The following RABGEF1 variants were observed in gnomAD, a reference collection of about 807,000 sequenced individuals.
RABGEF1 encodes RAB guanine nucleotide exchange factor 1.
In RABGEF1, 26 loss-of-function variants were observed where a neutral mutation model predicts 57.3. That is an observed-to-expected ratio of 0.45 (90% CI 0.33 to 0.63). RABGEF1 has a LOEUF of 0.63. Ranked by LOEUF, RABGEF1 falls within the 20% of genes least tolerant of loss-of-function variation. The probability of loss-of-function intolerance (pLI) is 0.02; values close to 1 mark genes in which losing one functional copy is unlikely to be tolerated. For synonymous variants in RABGEF1, 185 were observed against 210.7 expected (o/e 0.88, Z 1.06); for missense variants, 464 against 607.6 (o/e 0.76, Z 2.48).
At chr7:66,675,727 A>G in the RABGEF1 span, among the ~76,000 whole-genome samples, 3 of 152,212 alleles carry the variant, frequency 2.0e-5, no homozygotes, top group Admixed American at 1.3e-4. Context: ...AAATTCAGCA[A>G]TGTAATAGGA....
At chr7:66,751,329 C>A (rs962210268) in intron 1 of RABGEF1, among the ~76,000 whole-genome samples, 1 of 152,188 alleles carries the variant, frequency 6.6e-6, no homozygotes, top group Non-Finnish European at 1.5e-5. Context: ...CCGTACCTGG[C>A]CTTCCCTCTT....
rs1200470820 is a variant in RABGEF1, at chr7:66,811,181, A to G, written c.*1897A>G. ...TGTTTGTTCAATAAACTGCATATCA[A>G]CTTCCCACAAAAGCTGACTTTTTTG... On this transcript the variant is annotated 3_prime_UTR_variant, in exon 9 of 9. Coordinates refer to ENST00000284957, the MANE Select transcript of RABGEF1 (RefSeq NM_014504.3). The G allele has an allele frequency of 1.3e-5, 2 of 152,222 alleles. No individual in the cohort carries two copies. Among genetic ancestry groups the G allele is most frequent in the Admixed American group, 6.5e-5 (1 of 15,270 alleles). The allele number at this position is 152,222 out of a possible 1,614,324, so 9.4% of individuals were successfully genotyped here. A position where few individuals can be genotyped will look rare whatever the true frequency, so the allele number is the denominator to read the frequency against.
chr7:66,756,487 G>A (rs1392352036), intron 1 of RABGEF1, among the ~76,000 whole-genome samples: 1 of 152,074 alleles, frequency 6.6e-6, no homozygotes, highest in African/African-American at 2.4e-5. Flanking sequence ...ACCTTGTCCT[G>A]CTTGGCTATC....
chr7:66,691,453 A>G (rs1791504114), intron 1 of RABGEF1, among the ~76,000 whole-genome samples: 1 of 152,226 alleles, frequency 6.6e-6, no homozygotes, highest in Non-Finnish European at 1.5e-5. Flanking sequence ...AAATATATGT[A>G]GAATCATGAA....
chr7:66,654,877 C>T, the RABGEF1 span, among the ~76,000 whole-genome samples: 1 of 152,366 alleles, frequency 6.6e-6, no homozygotes, highest in East Asian at 1.9e-4. Flanking sequence ...CTAACGTGCT[C>T]GTTGCCGGCA....
chr7:66,796,773 TAGAG>T (rs1417502186), intron 5 of RABGEF1: 1 of 328,084 alleles, frequency 3.0e-6, no homozygotes, highest in African/African-American at 2.3e-5. Context: ...GTATTTTTAT[TAGAG>T]AGGAGATTTC....
At chr7:66,795,656 C>A in intron 5 of RABGEF1, 64 bp downstream of exon 5, 1 of 1,412,464 alleles carries the variant, frequency 7.1e-7, no homozygotes, top group Non-Finnish European at 1.0e-6. Flanking sequence ...AGTCTCTTAG[C>A]AATTTCTTTC....
chr7:66,727,303 A>C (rs910656514), intron 2 of RABGEF1, among the ~76,000 whole-genome samples: 1 of 152,198 alleles, frequency 6.6e-6, no homozygotes, highest in Non-Finnish European at 1.5e-5. Flanking sequence ...TCCGTGGGAC[A>C]GGGTGAGTCA....
chr7:66,799,680 TC>T (rs1353982781), intron 7 of RABGEF1, among the ~76,000 whole-genome samples: 2 of 152,174 alleles, frequency 1.3e-5, no homozygotes, highest in African/African-American at 4.8e-5. Context: ...AAATTTTTTT[TC>T]TTTTTTTTGT....
chr7:66,700,375 A>G (rs893154428), intron 1 of RABGEF1, among the ~76,000 whole-genome samples: 3 of 151,946 alleles, frequency 2.0e-5, no homozygotes, highest in African/African-American at 7.2e-5. Flanking sequence ...CATGCCATGG[A>G]TGAGGGAGTG....
At chr7:66,724,839 T>A (rs1044064958) in intron 2 of RABGEF1, among the ~76,000 whole-genome samples, 4 of 152,086 alleles carry the variant, frequency 2.6e-5, no homozygotes, top group Admixed American at 1.3e-4. Flanking sequence ...TCTGTTAAAA[T>A]TTTTTTTGGC....
chr7:66,713,144 CT>C (rs575223946), intron 2 of RABGEF1, among the ~76,000 whole-genome samples: 1,514 of 137,822 alleles, frequency 0.011, 16 homozygotes, highest in African/African-American at 0.033. Flanking sequence ...CTTTTCTTTT[CT>C]TTTTTTTTTT....
chr7:66,769,860 C>T (rs1806640246), intron 1 of RABGEF1, among the ~76,000 whole-genome samples: 1 of 152,186 alleles, frequency 6.6e-6, no homozygotes, highest in African/African-American at 2.4e-5. Context: ...GTCTGTGCTA[C>T]ATCATTCATA....
chr7:66,806,709 T>G (rs551979124), intron 8 of RABGEF1, among the ~76,000 whole-genome samples: 2 of 149,314 alleles, frequency 1.3e-5, no homozygotes, highest in Non-Finnish European at 3.0e-5. Flanking sequence ...AGTGGTGTGA[T>G]CTCAGCTCAC....
At chr7:66,686,651 A>G (rs1790682369) in intron 1 of RABGEF1, among the ~76,000 whole-genome samples, 1 of 152,194 alleles carries the variant, frequency 6.6e-6, no homozygotes, top group South Asian at 2.1e-4. Context: ...ATTTAATACT[A>G]TTTAACTTAT....
At chr7:66,733,642 G>A (rs1213285634) in intron 2 of RABGEF1, among the ~76,000 whole-genome samples, 1 of 151,874 alleles carries the variant, frequency 6.6e-6, no homozygotes, top group Non-Finnish European at 1.5e-5. Context: ...AAGTTGCAGT[G>A]AGCCAAGATC....
intron 2 of RABGEF1, chr7:66,773,597 A>G: frequency 2.3e-6 from 1 of 442,244 alleles, no homozygotes; most frequent in Non-Finnish European, 4.5e-6. Flanking sequence ...TTGCCTGGTG[A>G]TGCTGCGCTG....
chr7:66,723,570 TTTTTTG>T lies in RABGEF1; in HGVS notation c.-815+11364_-815+11369del, dbSNP rs765983496. 3.8e-4 allele frequency among the ~76,000 whole-genome samples: 58 copies of T among 152,184 alleles called. 1 individual carries two copies. The highest frequency in any genetic ancestry group is 1.3e-4 in the Non-Finnish European group (9 of 68,034). On this transcript the variant is annotated intron_variant and NMD_transcript_variant, in intron 2 of 9. Transcript: ENST00000607882. ...ATTTTTTCTTTAAACAATTACTGTTTTTTTTGTTTTTGTTTTTGTTTTTTTTTGAGA... is the reference window on the plus strand; with the variant it reads ...ATTTTTTCTTTAAACAATTACTGTTTTTTTTGTTTTTGTTTTTTTTTGAGA...
At chr7:66,776,455 G>A (rs996103392) in intron 3 of RABGEF1, among the ~76,000 whole-genome samples, 4 of 152,204 alleles carry the variant, frequency 2.6e-5, no homozygotes, top group African/African-American at 9.6e-5. Context: ...CGCTTTGGGA[G>A]GCCAAGACAG....
Sources: gnomAD v4.1 joint callset for allele counts (sites outside exome capture counted in the v4.1 genomes callset) on GRCh38, gnomAD v4.1.1 for gene constraint, MANE v1.5 for transcripts, NCBI Gene and HGNC (gene_info 2026-07-23, HGNC 2026-07-21) for gene names.